The following OMA1 variants were observed in gnomAD, a reference collection of about 807,000 sequenced individuals.
The protein encoded by OMA1 is metalloendopeptidase OMA1, mitochondrial.
A neutral mutation model predicts 30.9 loss-of-function variants in OMA1; 38 were observed. That is an observed-to-expected ratio of 1.23 (90% CI 0.95 to 1.61). OMA1 has a LOEUF of 1.61. OMA1 is among the 40% of genes most tolerant of loss of function. OMA1 has a pLI of 0.00. For synonymous variants in OMA1, 173 were observed against 121.9 expected, an observed-to-expected ratio of 1.42 and a Z score of -2.76; for missense variants, 461 against 349.2, an observed-to-expected ratio of 1.32 and a Z score of -2.55.
chr1:58,529,914 T>C (rs1646408000), intron 6 of OMA1, among the ~76,000 whole-genome samples: 1 of 152,108 alleles, frequency 6.6e-6, no homozygotes, highest in African/African-American at 2.4e-5. Context: ...GTAGTCTCAC[T>C]CTGTCGCCCA....
intron 8 of OMA1, among the ~76,000 whole-genome samples, chr1:58,484,450 G>A (rs950146466): frequency 6.6e-6 from 1 of 152,176 alleles, no homozygotes; most frequent in Non-Finnish European, 1.5e-5. Flanking sequence ...AGTAATACAG[G>A]CATACTTGAG....
chr1:58,509,108 TAA>T (rs1365456005), intron 7 of OMA1, among the ~76,000 whole-genome samples: 1 of 152,076 alleles, frequency 6.6e-6, no homozygotes, highest in East Asian at 1.9e-4. Context: ...CTGTAAAGGC[TAA>T]GAGGTTGCTG....
intron 8 of OMA1, among the ~76,000 whole-genome samples, chr1:58,489,905 C>T (rs917443187): frequency 1.3e-5 from 2 of 152,180 alleles, no homozygotes; most frequent in African/African-American, 4.8e-5. Flanking sequence ...GGAAAACTAA[C>T]AAACAGAAAG....
intron 8 of OMA1, among the ~76,000 whole-genome samples, chr1:58,504,953 G>A (rs543926701): frequency 1.4e-4 from 21 of 151,998 alleles, no homozygotes; most frequent in African/African-American, 4.8e-4. Context: ...CATACTGAAA[G>A]ATACTTCTTT....
At chr1:58,527,162 C>A in intron 7 of OMA1, 99 bp downstream of exon 7, 1 of 756,438 alleles carries the variant, frequency 1.3e-6, no homozygotes, top group Non-Finnish European at 2.4e-6. Context: ...TACAGTCCAA[C>A]TCTCATTCTC....
intron 7 of OMA1, among the ~76,000 whole-genome samples, chr1:58,514,577 C>T (rs1189500913): frequency 6.6e-6 from 1 of 152,132 alleles, no homozygotes; most frequent in Non-Finnish European, 1.5e-5. Context: ...CATTAACACC[C>T]TACACTTGTC....
At chr1:58,489,054 G>C (rs1645627587) in intron 8 of OMA1, among the ~76,000 whole-genome samples, 1 of 152,352 alleles carries the variant, frequency 6.6e-6, no homozygotes, top group South Asian at 2.1e-4. Flanking sequence ...TTCCAACTGA[G>C]GTACTGGGTG....
intron 7 of OMA1, among the ~76,000 whole-genome samples, chr1:58,519,260 G>A (rs1646222912): frequency 6.6e-6 from 1 of 152,104 alleles, no homozygotes; most frequent in Admixed American, 6.6e-5. Flanking sequence ...GTGGGCACTT[G>A]GTAGGTTATA....
chr1:58,544,433 T>C (rs568892230), intron 1 of OMA1, among the ~76,000 whole-genome samples: 147 of 152,306 alleles, frequency 9.7e-4, no homozygotes, highest in Non-Finnish European at 1.5e-3. Flanking sequence ...TGAAAAAAGA[T>C]ACACCAAACT....
intron 8 of OMA1, among the ~76,000 whole-genome samples, chr1:58,496,769 A>G (rs577996256): frequency 1.3e-5 from 2 of 152,200 alleles, no homozygotes; most frequent in Admixed American, 1.3e-4. Context: ...GAATAAGATA[A>G]AAGTGTCTGC....
At chr1:58,543,372 G>A (rs1010136989) in intron 1 of OMA1, among the ~76,000 whole-genome samples, 45 of 152,302 alleles carry the variant, frequency 3.0e-4, no homozygotes, top group African/African-American at 9.6e-4. Flanking sequence ...ATCAGTTCCA[G>A]AAATACTGGA....
rs17117678 is a variant in OMA1 at position 58,533,979 on chromosome 1, T to G, written c.985A>C (p.Ile329Leu). The G allele has an allele frequency of 0.095, 82,608 of 872,004 alleles. 4,604 individuals carry two copies. The highest frequency in any genetic ancestry group is 0.18 in the African/African-American group (11,285 of 61,358). The allele number at this position is 872,004 out of a possible 1,614,324, so 54.0% of individuals were successfully genotyped here. ...GCATGCCCAAGTACTGCATGTGCTATTTCATGGCCCAGAAGGAAAGAAAGT... is the reference window on the plus strand; with the variant it reads ...GCATGCCCAAGTACTGCATGTGCTAGTTCATGGCCCAGAAGGAAAGAAAGT... ...HQLSFLLGHE[I>L]AHAVLGHAAE... The change falls in exon 5 of 9, where the codon ATA becomes CTA. Residue 329 changes from isoleucine to leucine, a missense_variant. By Grantham distance (5) the Ile-to-Leu change is conservative. Coordinates refer to ENST00000371226, the MANE Select transcript of OMA1 (RefSeq NM_145243.5).
rs144821025 is a variant in OMA1, at chr1:58,537,931, T to C, written c.500+864A>G. On this transcript the variant is annotated intron_variant, in intron 2 of 8. Coordinates refer to ENST00000371226, the MANE Select transcript of OMA1 (RefSeq NM_145243.5). ...TAAATAATTTAAAAGGATGAGGACA[T>C]AGCAGAAATCAGAAAGAGCATCCGA... 5.4e-3 allele frequency among the ~76,000 whole-genome samples: 828 copies of C among 152,270 alleles called. 6 individuals are homozygous for C. Among genetic ancestry groups the C allele is most frequent in the African/African-American group, 0.019 (792 of 41,556 alleles).
intron 7 of OMA1, among the ~76,000 whole-genome samples, chr1:58,520,672 A>C (rs2100451342): frequency 6.6e-6 from 1 of 152,302 alleles, no homozygotes; most frequent in Admixed American, 6.5e-5. Context: ...AAATAACAAT[A>C]CTAAAAGGAA....
At chr1:58,487,320 T>G (rs888510994) in intron 8 of OMA1, among the ~76,000 whole-genome samples, 3 of 152,238 alleles carry the variant, frequency 2.0e-5, no homozygotes, top group Non-Finnish European at 2.9e-5. Context: ...AGCTTTTCTT[T>G]TATGATGCTG....
chr1:58,526,109 C>G lies in OMA1; in HGVS notation c.1215+1152G>C, dbSNP rs558238614. 2.0e-5 allele frequency among the ~76,000 whole-genome samples: 3 copies of G among 152,168 alleles called. No individual in the cohort carries two copies. The South Asian group carries it at 6.2e-4, about 32-fold the overall frequency. ...ACTGAGATAAACAAAGATTTCCTAA[C>G]CAGAACACAGAACACACTTAACATA... On this transcript the variant is annotated intron_variant, in intron 7 of 8. Transcript: ENST00000371226.
At chr1:58,514,198 A>C (rs1646125360) in intron 7 of OMA1, among the ~76,000 whole-genome samples, 1 of 152,210 alleles carries the variant, frequency 6.6e-6, no homozygotes, top group Non-Finnish European at 1.5e-5. Context: ...AATCCAGAGA[A>C]TATAAATGTA....
chr1:58,498,170 T>C (rs1315214206), intron 8 of OMA1, among the ~76,000 whole-genome samples: 1 of 152,138 alleles, frequency 6.6e-6, no homozygotes, highest in Non-Finnish European at 1.5e-5. Context: ...TAGGGGCTCA[T>C]TAAGCTATTC....
At chr1:58,512,782 TAA>T (rs1200327350) in intron 7 of OMA1, among the ~76,000 whole-genome samples, 1 of 152,136 alleles carries the variant, frequency 6.6e-6, no homozygotes, top group Non-Finnish European at 1.5e-5. Flanking sequence ...TCAATGGATA[TAA>T]AGTCTCAGTT....
Sources: gnomAD v4.1 joint callset for allele counts (sites outside exome capture counted in the v4.1 genomes callset) on GRCh38, gnomAD v4.1.1 for gene constraint, MANE v1.5 for transcripts, NCBI Gene and HGNC (gene_info 2026-07-23, HGNC 2026-07-21) for gene names.